Variants in SYT3 observed in about 807,000 individuals in gnomAD.
The protein encoded by SYT3 is synaptotagmin 3.
SYT3 carries 25 observed loss-of-function variants against 50.6 expected under a neutral mutation model. That is an observed-to-expected ratio of 0.49 (90% confidence interval 0.36 to 0.69). SYT3 has a LOEUF of 0.69. SYT3 is among the 30% of genes least tolerant of loss of function. The pLI is 0.00. For missense variants in SYT3, 589 were observed against 793.6 expected, an observed-to-expected ratio of 0.74 and a Z score of 3.10; for synonymous variants, 323 against 353.9, an observed-to-expected ratio of 0.91 and a Z score of 0.98.
At chr19:50,654,285 T>C in the SYT3 span, among the ~76,000 whole-genome samples, 6 of 151,046 alleles carry the variant, frequency 4.0e-5, no homozygotes, top group Non-Finnish European at 1.5e-5. Context: ...TCCCTCCATC[T>C]CTCTCTTTTC....
At chr19:50,636,870 C>T (rs558898898) in intron 3 of SYT3, among the ~76,000 whole-genome samples, 1 of 152,188 alleles carries the variant, frequency 6.6e-6, no homozygotes, top group South Asian at 2.1e-4. Context: ...TTTTATTATC[C>T]CCATTTTCCA....
At chr19:50,647,630 G>A in the SYT3 span, among the ~76,000 whole-genome samples, 1 of 152,106 alleles carries the variant, frequency 6.6e-6, no homozygotes, top group Non-Finnish European at 1.5e-5. Flanking sequence ...TTATACCGCT[G>A]CACTCCAGCC....
chr19:50,623,908 C>T (rs1307413184), intron 9 of SYT3, among the ~76,000 whole-genome samples: 3 of 150,950 alleles, frequency 2.0e-5, no homozygotes, highest in Admixed American at 1.3e-4. Flanking sequence ...AGGCCAGTCT[C>T]ATGCCACATC....
chr19:50,636,504 G>A (rs1389303774), intron 3 of SYT3, among the ~76,000 whole-genome samples: 1 of 152,210 alleles, frequency 6.6e-6, no homozygotes, highest in Non-Finnish European at 1.5e-5. Context: ...ACCCTGCCCT[G>A]GTGCTCAGCA....
chr19:50,626,232 T>C (rs928493030), intron 6 of SYT3: 2 of 602,540 alleles, frequency 3.3e-6, no homozygotes, highest in Non-Finnish European at 5.4e-6. Flanking sequence ...CAGGAAAGAT[T>C]GGAAGAAGCA....
chr19:50,653,673 TGAGA>T, the SYT3 span, among the ~76,000 whole-genome samples: 358 of 135,154 alleles, frequency 2.6e-3, 3 homozygotes, highest in African/African-American at 8.9e-3. Context: ...CTTATTGTAA[TGAGA>T]GACAGCACAC....
At chr19:50,648,893 G>A in the SYT3 span, among the ~76,000 whole-genome samples, 1 of 151,778 alleles carries the variant, frequency 6.6e-6, no homozygotes, top group Non-Finnish European at 1.5e-5. Context: ...GCAGCTAGGA[G>A]AGGATAGAGA....
chr19:50,656,343 C>T, the SYT3 span: 1 of 1,535,022 alleles, frequency 6.5e-7, no homozygotes, highest in Non-Finnish European at 8.7e-7. Flanking sequence ...GCATGGAGAC[C>T]TTGGTGAGTG....
At chr19:50,653,669 G>A in the SYT3 span, among the ~76,000 whole-genome samples, 1 of 139,352 alleles carries the variant, frequency 7.2e-6, no homozygotes, top group African/African-American at 2.7e-5. Flanking sequence ...TTGACTTATT[G>A]TAATGAGAGA....
chr19:50,655,491 A>T, the SYT3 span, among the ~76,000 whole-genome samples: 1 of 152,154 alleles, frequency 6.6e-6, no homozygotes, highest in Admixed American at 6.5e-5. Flanking sequence ...TCTACTAAAA[A>T]TACAAAAATT....
rs940467474 is a variant in SYT3, at chr19:50,622,460, C to G, written c.*25G>C. 1 of 430,472 alleles carries G rather than the reference C, an allele frequency of 2.3e-6. No homozygotes were observed. The highest frequency in any genetic ancestry group is 4.4e-6 in the Non-Finnish European group (1 of 228,630). The allele number at this position is 430,472 out of a possible 1,614,324, so 26.7% of individuals were successfully genotyped here. A position where few individuals can be genotyped will look rare whatever the true frequency, so the allele number is the denominator to read the frequency against. On this transcript the variant is annotated 3_prime_UTR_variant, in exon 11 of 11. Coordinates refer to ENST00000600079, the MANE Select transcript of SYT3 (RefSeq NM_001160329.2). ...GATGGGGTCCTGAGGGAGCCTGGTC[C>G]GATCCCGGGCCTAGGCCAGACCTGC...
chr19:50,644,304 A>C (rs1340752296), upstream of SYT3, among the ~76,000 whole-genome samples: 1 of 152,090 alleles, frequency 6.6e-6, no homozygotes, highest in African/African-American at 2.4e-5. Flanking sequence ...GAATGGCTGG[A>C]TGGATAAGAT....
the SYT3 span, among the ~76,000 whole-genome samples, chr19:50,655,648 CAAA>C: frequency 7.5e-6 from 1 of 133,572 alleles, no homozygotes; most frequent in Admixed American, 7.6e-5. Flanking sequence ...GACTCTGTCT[CAAA>C]AAAAAAAAAC....
chr19:50,655,628 G>A, the SYT3 span, among the ~76,000 whole-genome samples: 4 of 150,406 alleles, frequency 2.7e-5, no homozygotes, highest in Admixed American at 2.0e-4. Flanking sequence ...CAGCCTGGGC[G>A]ACAGAACAAG....
In SYT3 at chr19:50,632,386, C is replaced by G. The variant is rs376869372; in HGVS notation, c.574G>C (p.Gly192Arg). Residue 192 changes from glycine to arginine, a missense_variant, in exon 4 of 11, where the codon GGG (glycine) becomes CGG (arginine). Coordinates refer to ENST00000600079, the MANE Select transcript of SYT3 (RefSeq NM_001160329.2). This position sits in a 1 kb window ranked among gnomAD's most constrained non-coding sequence, Gnocchi z 4.7. Reference protein sequence around the residue: ...SQTSPELPSEGGAGSGLLLLP... With the variant: ...SQTSPELPSERGAGSGLLLLP... ...AGGAGCAACCCAGAGCCTGCTCCCC[C>G]CTCAGAGGGCAGCTCAGGGGATGTT... The G allele has an allele frequency of 5.2e-5, 84 of 1,613,302 alleles. No individual in the cohort carries two copies. The highest frequency in any genetic ancestry group is 3.3e-4 in the African/African-American group (25 of 75,036).
Position 50,637,452 on chromosome 19 carries a change from G to A in SYT3, c.-15-26C>T, listed in dbSNP as rs541787475. ...CTGTGTGTGGGAGGGATGGGGCAAG[G>A]GTGCAGATGGGAAACAGAATGGGAG... is the stretch of plus-strand genomic sequence containing the variant. On this transcript the variant is annotated intron_variant, in intron 2 of 10. Transcript: ENST00000600079. The surrounding 1 kb of genome is among the most constrained non-coding windows in gnomAD (Gnocchi z 4.9). 7 of 1,566,250 alleles carry A rather than the reference G, an allele frequency of 4.5e-6. No homozygotes were observed. In the East Asian group the frequency reaches 1.1e-4, roughly 25 times the overall value.
In SYT3 at chr19:50,625,409, C is replaced by T. The variant is rs1293764257; in HGVS notation, c.1558G>A (p.Val520Met). The T allele has an allele frequency of 1.2e-5, 18 of 1,553,720 alleles. 2 individuals are homozygous for T. The highest frequency in any genetic ancestry group is 9.5e-5 in the South Asian group (8 of 84,372). ...GCCCCTCACCAGTCGTAGTCTACCACGGCGATGCTGAGCCCCACGTTCTCC... is the reference window on the plus strand; with the variant it reads ...GCCCCTCACCAGTCGTAGTCTACCATGGCGATGCTGAGCCCCACGTTCTCC... ...SVENVGLSIA[V>M]VDYDCIGHNE... The change falls in exon 8 of 11, where the codon GTG becomes ATG. Residue 520 changes from valine to methionine, a missense_variant. Val to Met is a conservative substitution (Grantham distance 21, BLOSUM62 1). Coordinates refer to ENST00000600079, the MANE Select transcript of SYT3 (RefSeq NM_001160329.2). The surrounding 1 kb of genome is among the most constrained non-coding windows in gnomAD (Gnocchi z 7.5).
At chr19:50,655,919 G>C in the SYT3 span, 1 of 859,310 alleles carries the variant, frequency 1.2e-6, no homozygotes, top group Non-Finnish European at 1.8e-6. Flanking sequence ...GGAGCTAAGA[G>C]ACAGTAACTC....
chr19:50,630,090 G>C lies in SYT3; in HGVS notation c.756C>G (p.Ala252=), dbSNP rs746841740. 5 of 1,611,798 alleles carry C rather than the reference G, an allele frequency of 3.1e-6. No individual in the cohort carries two copies. The highest frequency in any genetic ancestry group is 3.4e-6 in the Non-Finnish European group (4 of 1,178,552). ...PDPSSEERPP[A]LPLPLPGGEE... ...CGCCTCCAGGCAGGGGTAAGGGCAG[G>C]GCAGGTGGCCGCTCCTCACTGCTGG... The change falls in exon 5 of 11, where the codon GCC becomes GCG. Residue 252 remains alanine (A), a synonymous_variant. Coordinates refer to ENST00000600079, the MANE Select transcript of SYT3 (RefSeq NM_001160329.2).
Sources: allele counts gnomAD v4.1 joint callset (sites outside exome capture counted in the v4.1 genomes callset), GRCh38; gene constraint gnomAD v4.1.1; non-coding constraint Gnocchi (gnomAD v3.1); transcripts MANE v1.5; gene names NCBI Gene and HGNC (gene_info 2026-07-23, HGNC 2026-07-21).